STIL: variants seen among roughly 807,000 people sequenced by gnomAD.
STIL encodes the protein STIL centriolar assembly protein, also known as SCL-interrupting locus protein.
A neutral mutation model predicts 110.1 loss-of-function variants in STIL; 55 were observed. That is an observed-to-expected ratio of 0.50 (90% CI 0.40 to 0.63). The LOEUF is 0.63. Among genes scored for constraint, STIL ranks in the 20% least tolerant of loss-of-function variants. The pLI is 0.00. For synonymous variants in STIL, 481 were observed against 530.0 expected (o/e 0.91, Z 1.27); for missense variants, 1,358 against 1,530.0 (o/e 0.89, Z 1.87).
chr1:47,255,021 G>C (rs1250548493), intron 16 of STIL, among the ~76,000 whole-genome samples: 1 of 152,070 alleles, frequency 6.6e-6, no homozygotes, highest in Admixed American at 6.6e-5. Flanking sequence ...CAGGCACAGT[G>C]GTATGCACAC....
In STIL at chr1:47,264,951, A is replaced by G. The variant is rs547051373; in HGVS notation, c.2616-1835T>C. On this transcript the variant is annotated intron_variant, in intron 14 of 16. Coordinates refer to ENST00000371877, the MANE Select transcript of STIL (RefSeq NM_001048166.1). ...AAGTTAAAAAAAAAAAAAAAAAGCCAAAACAAGGGCATGGTGGCTCACATC... is the reference window on the plus strand; with the variant it reads ...AAGTTAAAAAAAAAAAAAAAAAGCCGAAACAAGGGCATGGTGGCTCACATC... Among the ~76,000 whole-genome samples, 967 of 140,642 alleles carry G rather than the reference A, an allele frequency of 6.9e-3. 11 individuals carry two copies. Among genetic ancestry groups the G allele is most frequent in the African/African-American group, 0.024 (919 of 38,552 alleles). 92.3% of individuals were successfully genotyped at this position (140,642 alleles called of 152,430 possible). A position where few individuals can be genotyped will look rare whatever the true frequency, so the allele number is the denominator to read the frequency against.
intron 16 of STIL, among the ~76,000 whole-genome samples, chr1:47,256,849 C>A (rs927036873): frequency 6.6e-6 from 1 of 151,830 alleles, no homozygotes; most frequent in African/African-American, 2.4e-5. Context: ...ACAAAATTAG[C>A]CGGGCATGGT....
rs549240443 is a variant in STIL at position 47,283,052 on chromosome 1, T to C, written c.1134-593A>G. On this transcript the variant is annotated intron_variant, in intron 10 of 16. Coordinates refer to ENST00000371877, the MANE Select transcript of STIL (RefSeq NM_001048166.1). ...GAAATTAGTGTTTAAGACTAAAGAT[T>C]TGGAATACTATATGCATCAGGCTTT... 7.2e-5 allele frequency: 11 copies of C among 153,204 alleles called. No homozygotes were observed. The South Asian group carries it at 2.3e-3, about 31-fold the overall frequency. The allele number at this position is 153,204 out of a possible 1,614,324, so 9.5% of individuals were successfully genotyped here. A position where few individuals can be genotyped will look rare whatever the true frequency, so the allele number is the denominator to read the frequency against.
intron 4 of STIL, 138 bp downstream of exon 4, chr1:47,302,096 T>C: frequency 1.5e-6 from 1 of 682,182 alleles, no homozygotes; most frequent in Non-Finnish European, 2.6e-6. Flanking sequence ...AAAAAAATGT[T>C]TTCTTGTACT....
chr1:47,266,981 T>C (rs757550245), intron 14 of STIL, among the ~76,000 whole-genome samples: 2 of 152,238 alleles, frequency 1.3e-5, no homozygotes. Flanking sequence ...TCTCAATCAC[T>C]ATGTCCAGCC....
In STIL at chr1:47,263,072, A is replaced by AAC; in HGVS notation, c.2658_2659dup (p.Phe887CysfsTer12). On this transcript the variant is annotated frameshift_variant, in exon 15 of 17. Coordinates refer to ENST00000371877, the MANE Select transcript of STIL (RefSeq NM_001048166.1). LOFTEE classifies it high-confidence loss of function. Reference sequence around the variant, plus strand: ...TTCTGCCAGCTGGCCACTTGGAAAGAACACAGGTACATCAGGTTCTTTTCT... The same window carrying AAC: ...TTCTGCCAGCTGGCCACTTGGAAAGAACACACAGGTACATCAGGTTCTTTTCT... 4 of 1,614,218 alleles carry AAC rather than the reference A, an allele frequency of 2.5e-6. No homozygotes were observed. The highest frequency in any genetic ancestry group is 3.4e-6 in the Non-Finnish European group (4 of 1,180,040).
In STIL at chr1:47,281,261, A is replaced by G. The variant is rs768126417; in HGVS notation, c.1249-52T>C. The G allele has an allele frequency of 3.2e-5, 50 of 1,541,952 alleles. No homozygotes were observed. In the South Asian group the frequency reaches 4.9e-4, roughly 15 times the overall value. ...AAAAGTATTTTTTTGGAGAAACTGT[A>G]TACTTTACTTTCCTCAGACCAGTAT... On this transcript the variant is annotated intron_variant, in intron 11 of 16. Coordinates refer to ENST00000371877, the MANE Select transcript of STIL (RefSeq NM_001048166.1).
At chr1:47,260,869 A>C (rs1376983739) in intron 15 of STIL, among the ~76,000 whole-genome samples, 1 of 152,176 alleles carries the variant, frequency 6.6e-6, no homozygotes, top group Non-Finnish European at 1.5e-5. Flanking sequence ...TCTCTAAAAA[A>C]ATTAAAATTA....
Position 47,251,330 on chromosome 1 carries a change from G to A in STIL, c.3673C>T (p.Pro1225Ser), listed in dbSNP as rs1247859444. 6.2e-7 allele frequency: 1 copy of A among 1,614,194 alleles called. No homozygotes were observed. The highest frequency in any genetic ancestry group is 1.1e-5 in the South Asian group (1 of 91,078). Residue 1225 changes from proline to serine, a missense_variant, in exon 17 of 17, where the codon CCA (proline) becomes TCA (serine). By Grantham distance (74) the Pro-to-Ser change is moderately conservative. Coordinates refer to ENST00000371877, the MANE Select transcript of STIL (RefSeq NM_001048166.1). The part of the protein sequence containing the change: ...KPAFLVKNLK[P>S]SPAVNLRTGK... ...GTTCGAAGGTTCACTGCAGGACTTG[G>A]TTTAAGGTTCTTTACTAAGAAAGCT...
chr1:47,308,978 G>T (rs1646044814), intron 2 of STIL, among the ~76,000 whole-genome samples: 1 of 151,666 alleles, frequency 6.6e-6, no homozygotes, highest in South Asian at 2.1e-4. Context: ...CTTGAACCCA[G>T]GAAGCAAAGA....
intron 14 of STIL, among the ~76,000 whole-genome samples, chr1:47,265,349 A>C (rs1644617616): frequency 6.6e-6 from 1 of 152,000 alleles, no homozygotes; most frequent in Non-Finnish European, 1.5e-5. Flanking sequence ...AAGGAGAATA[A>C]ATAAAGATCC....
At chr1:47,297,884 G>C (rs967981466) in intron 6 of STIL, among the ~76,000 whole-genome samples, 1 of 152,148 alleles carries the variant, frequency 6.6e-6, no homozygotes, top group African/African-American at 2.4e-5. Flanking sequence ...ATAATTCCAA[G>C]AAAGGTAAAT....
intron 2 of STIL, among the ~76,000 whole-genome samples, chr1:47,306,687 T>C (rs1413890455): frequency 6.6e-6 from 1 of 152,216 alleles, no homozygotes; most frequent in Non-Finnish European, 1.5e-5. Context: ...AATACCAAAA[T>C]ACAGCACAAG....
rs61782705 is a variant in STIL, at chr1:47,271,241, T to C, written c.2383+835A>G. Among the ~76,000 whole-genome samples the C allele has an allele frequency of 5.8e-3, 879 of 152,288 alleles. 6 individuals carry two copies. The highest frequency in any genetic ancestry group is 0.01 in the Non-Finnish European group (697 of 68,036). ...TAGGCATTCTATAATTTGGGGAATA[T>C]TGCTAATACATAATGGTTTAAACAG... On this transcript the variant is annotated intron_variant, in intron 13 of 16. Coordinates refer to ENST00000371877, the MANE Select transcript of STIL (RefSeq NM_001048166.1).
chr1:47,264,938 A>AAT (rs1194546675), intron 14 of STIL, among the ~76,000 whole-genome samples: 2 of 151,008 alleles, frequency 1.3e-5, no homozygotes, highest in Non-Finnish European at 3.0e-5. Flanking sequence ...GTTAAAAAAA[A>AAT]AAAAAAAAAG....
intron 13 of STIL, among the ~76,000 whole-genome samples, chr1:47,270,889 G>A (rs1644816166): frequency 1.3e-5 from 2 of 151,758 alleles, no homozygotes; most frequent in Non-Finnish European, 2.9e-5. Flanking sequence ...ATTTTGACCA[G>A]GCTGGTCTCG....
chr1:47,312,878 C>T (rs1244134877), intron 1 of STIL: 1 of 152,168 alleles, frequency 6.6e-6, no homozygotes, highest in Non-Finnish European at 1.5e-5. Context: ...TTCAAATCAT[C>T]CTCACCCCTT....
intron 12 of STIL, among the ~76,000 whole-genome samples, chr1:47,274,206 C>T (rs183342673): frequency 2.1e-3 from 323 of 152,292 alleles, no homozygotes; most frequent in African/African-American, 7.5e-3. Flanking sequence ...AGGAAATGTA[C>T]AGTAAAAGAC....
chr1:47,263,217 G>A (rs1644533875), intron 14 of STIL, 101 bp from the exon 15 acceptor site: 1 of 1,120,794 alleles, frequency 8.9e-7, no homozygotes, highest in African/African-American at 1.5e-5. Context: ...GCAGCACCTG[G>A]TTGTATTTTT....
Sources: allele counts gnomAD v4.1 joint callset (sites outside exome capture counted in the v4.1 genomes callset), GRCh38; gene constraint gnomAD v4.1.1; transcripts MANE v1.5; gene names NCBI Gene and HGNC (gene_info 2026-07-23, HGNC 2026-07-21).